The following ARHGAP17 variants were observed in gnomAD, a reference collection of about 807,000 sequenced individuals.
The protein encoded by ARHGAP17 is rho GTPase-activating protein 17.
ARHGAP17 carries 57 observed loss-of-function variants against 99.5 expected under a neutral mutation model. The observed-to-expected ratio is 0.57, with a 90% CI of 0.46 to 0.71. The LOEUF (loss-of-function observed/expected upper bound fraction) is 0.71, where lower values mean the gene tolerates loss of function less well. ARHGAP17 is among the 30% of genes least tolerant of loss of function. ARHGAP17 has a pLI of 0.00. For missense variants in ARHGAP17, 1,000 were observed against 1,122.4 expected (o/e 0.89, Z 1.56); for synonymous variants, 417 against 429.6 (o/e 0.97, Z 0.36).
rs946795968 is a variant in ARHGAP17 at position 25,015,194 on chromosome 16, G to A, written c.53+15C>T. The A allele has an allele frequency of 3.8e-6, 5 of 1,313,040 alleles. No homozygotes were observed. The African/African-American group carries it at 6.2e-5, about 16-fold the overall frequency. The allele number at this position is 1,313,040 out of a possible 1,614,324, so 81.3% of individuals were successfully genotyped here. A position where few individuals can be genotyped will look rare whatever the true frequency, so the allele number is the denominator to read the frequency against. ...CCAGCCCCGGTGCGACCCCCGTGCT[G>A]CCCGGCGCACTCGCCTGCCCACGGT... On this transcript the variant is annotated intron_variant, in intron 1 of 19. Transcript: ENST00000289968.
At chr16:24,920,496 G>A (rs1406923362) in intron 19 of ARHGAP17, 3 of 464,850 alleles carry the variant, frequency 6.5e-6, no homozygotes, top group African/African-American at 2.0e-5. Context: ...CTATGAGCCC[G>A]GAGCAGCCCT....
chr16:24,970,242 T>C (rs1322982547), intron 4 of ARHGAP17, among the ~76,000 whole-genome samples: 1 of 152,206 alleles, frequency 6.6e-6, no homozygotes, highest in Non-Finnish European at 1.5e-5. Flanking sequence ...ATTAGGGGAA[T>C]AGGCATTGAC....
chr16:24,998,080 A>G (rs1441079776), intron 1 of ARHGAP17, among the ~76,000 whole-genome samples: 1 of 151,946 alleles, frequency 6.6e-6, no homozygotes, highest in East Asian at 1.9e-4. Context: ...AGGAGTCCCC[A>G]GGGAGGGCAG....
At chr16:24,990,103 A>G (rs1273070360) in intron 1 of ARHGAP17, among the ~76,000 whole-genome samples, 1 of 152,278 alleles carries the variant, frequency 6.6e-6, no homozygotes, top group Non-Finnish European at 1.5e-5. Context: ...ACATATCAGA[A>G]TATCACTCTA....
intron 11 of ARHGAP17, 52 bp from the exon 12 acceptor site, chr16:24,952,422 T>A: frequency 7.1e-7 from 1 of 1,404,328 alleles, no homozygotes; most frequent in South Asian, 1.2e-5. Flanking sequence ...AGGCTAGGAA[T>A]CTTGGGACAT....
At chr16:25,014,259 T>C (rs2053722069) in intron 1 of ARHGAP17, among the ~76,000 whole-genome samples, 2 of 152,258 alleles carry the variant, frequency 1.3e-5, no homozygotes, top group South Asian at 4.1e-4. Context: ...CATACTTTCG[T>C]ATCTCTTTGC....
At position 24,935,647 on chromosome 16, in the gene ARHGAP17, G is replaced by A; in HGVS notation, c.1725-8C>T. 6.2e-7 allele frequency: 1 copy of A among 1,613,592 alleles called. No homozygotes were observed. Among genetic ancestry groups the A allele is most frequent in the Non-Finnish European group, 8.5e-7 (1 of 1,179,930 alleles). The stretch of plus-strand genomic sequence containing the variant: ...TCCTTCGGTTTGGGAGGACTAAGAG[G>A]AGTAAAAGTCAAGTTAGACGTCAGA... On this transcript the variant is annotated splice_region_variant and splice_polypyrimidine_tract_variant and intron_variant, in intron 17 of 19. Transcript: ENST00000289968.
chr16:24,933,889 C>A (rs1032170310), intron 18 of ARHGAP17, among the ~76,000 whole-genome samples: 1 of 152,194 alleles, frequency 6.6e-6, no homozygotes. Flanking sequence ...ACTCTGAATG[C>A]GGCTATAAGG....
chr16:24,985,197 C>T (rs966072921), intron 1 of ARHGAP17, among the ~76,000 whole-genome samples: 24 of 152,148 alleles, frequency 1.6e-4, no homozygotes, highest in African/African-American at 5.3e-4. Flanking sequence ...CCCACACACA[C>T]ACACACACAC....
rs1030555939 is a variant in ARHGAP17 at position 24,964,193 on chromosome 16, A to C, written c.573+4T>G. 5 of 1,546,658 alleles carry C rather than the reference A, an allele frequency of 3.2e-6. No homozygotes were observed. Among genetic ancestry groups the C allele is most frequent in the Non-Finnish European group, 4.4e-6 (5 of 1,145,032 alleles). ...AAGATACATTTATCAAGGAATTCTC[A>C]TACCTTGCACTGTTCTACTTTATTT... On this transcript the variant is annotated splice_donor_region_variant and intron_variant, in intron 7 of 19. Coordinates refer to ENST00000289968, the MANE Select transcript of ARHGAP17 (RefSeq NM_001006634.3).
At chr16:24,937,390 C>A (rs910492333) in intron 17 of ARHGAP17, among the ~76,000 whole-genome samples, 2 of 151,936 alleles carry the variant, frequency 1.3e-5, no homozygotes, top group Non-Finnish European at 2.9e-5. Context: ...CCACTGCACT[C>A]CAGCCTGGGC....
chr16:24,929,191 C>T (rs1195155431), intron 19 of ARHGAP17, among the ~76,000 whole-genome samples: 2 of 150,414 alleles, frequency 1.3e-5, no homozygotes, highest in Admixed American at 6.6e-5. Flanking sequence ...CAGGGTCTCA[C>T]TCTGTCATGC....
chr16:24,959,802 GAC>G (rs776565836), intron 8 of ARHGAP17, 50 bp from the exon 9 acceptor site: 4 of 1,606,012 alleles, frequency 2.5e-6, no homozygotes, highest in Non-Finnish European at 3.4e-6. Flanking sequence ...GCATCGGATG[GAC>G]ACACACACAA....
At chr16:25,000,994 T>G (rs1331313300) in intron 1 of ARHGAP17, among the ~76,000 whole-genome samples, 1 of 152,208 alleles carries the variant, frequency 6.6e-6, no homozygotes, top group Non-Finnish European at 1.5e-5. Context: ...ACACTTGTAT[T>G]TTAGCAGGAT....
chr16:24,964,889 A>T (rs181516647), intron 6 of ARHGAP17, among the ~76,000 whole-genome samples: 1 of 152,080 alleles, frequency 6.6e-6, no homozygotes, highest in East Asian at 1.9e-4. Context: ...TGGGAGGATC[A>T]CTTGAGCTAG....
At chr16:24,949,166 G>A (rs1251375757) in intron 13 of ARHGAP17, 1 of 381,028 alleles carries the variant, frequency 2.6e-6, no homozygotes, top group Non-Finnish European at 4.7e-6. Flanking sequence ...AGCTGTAGTG[G>A]GAAAATGATA....
chr16:24,931,226 G>A lies in ARHGAP17; in HGVS notation c.2073C>T (p.Ala691=). 2 of 1,560,136 alleles carry A rather than the reference G, an allele frequency of 1.3e-6. No individual in the cohort carries two copies. Among genetic ancestry groups the A allele is most frequent in the South Asian group, 1.2e-5 (1 of 81,806 alleles). ...TCCGGGGTGCTGAGAGCTGGGAGGG[G>A]GCGGAGGGCTGGCCTGGAGGCTGGC... The part of the protein sequence containing the change: ...HTGQPPGQPS[A]PSQLSAPRRY... Residue 691 remains alanine (A), a synonymous_variant, in exon 19 of 20, where the codon GCC becomes GCT. Transcript: ENST00000289968.
chr16:24,945,134 G>C (rs2051431373), intron 14 of ARHGAP17, among the ~76,000 whole-genome samples: 1 of 151,678 alleles, frequency 6.6e-6, no homozygotes. Flanking sequence ...GACCAGCCTG[G>C]ACAACATAGT....
At chr16:24,935,834 C>T in intron 17 of ARHGAP17, 195 bp from the exon 18 acceptor site, 1 of 644,004 alleles carries the variant, frequency 1.6e-6, no homozygotes, top group Non-Finnish European at 2.6e-6. Context: ...CTAATGTTTA[C>T]TTGGTGCCAT....
Sources: allele counts gnomAD v4.1 joint callset (sites outside exome capture counted in the v4.1 genomes callset), GRCh38; gene constraint gnomAD v4.1.1; transcripts MANE v1.5; gene names NCBI Gene and HGNC (gene_info 2026-07-23, HGNC 2026-07-21).